DEFB107A: variants seen among roughly 807,000 people sequenced by gnomAD.
The protein encoded by DEFB107A is defensin beta 107A.
At chr8:7,813,225 T>G (rs1817128939) in intron 1 of DEFB107A, among the ~76,000 whole-genome samples, 1 of 131,114 alleles carries the variant, frequency 7.6e-6, no homozygotes, top group Non-Finnish European at 1.7e-5. Context: ...TATTTCTATA[T>G]GTCCACATGA....
chr8:7,812,925 G>A (rs55846974), intron 1 of DEFB107A, among the ~76,000 whole-genome samples: 48 of 109,600 alleles, frequency 4.4e-4, no homozygotes, highest in African/African-American at 8.6e-4. Context: ...ACACACACAC[G>A]CACACACATA....
chr8:7,815,049 C>T (rs1422395808), intron 1 of DEFB107A, among the ~76,000 whole-genome samples: 1 of 3,626 alleles, frequency 2.8e-4, no homozygotes, highest in African/African-American at 2.9e-4. Flanking sequence ...ACATCAAGAC[C>T]ATCCTGGCTA....
chr8:7,815,247 CAAAA>C lies in DEFB107A; in HGVS notation c.70+308_70+311del, dbSNP rs1160791841. Among the ~76,000 whole-genome samples the C allele has an allele frequency of 4.0e-3, 28 of 7,074 alleles. 1 individual carries two copies. Among genetic ancestry groups the C allele is most frequent in the Non-Finnish European group, 8.6e-3 (15 of 1,740 alleles). 4.6% of individuals were successfully genotyped at this position (7,074 alleles called of 152,430 possible). On this transcript the variant is annotated intron_variant, in intron 1 of 1. Transcript: ENST00000335021. ...TGGGCGACAGCGCGAGACTCCGTCT[CAAAA>C]AAAAAAAAAAAAAAAAAAAAGAATA...
intron 1 of DEFB107A, among the ~76,000 whole-genome samples, chr8:7,813,339 G>A (rs1425743110): frequency 1.4e-5 from 2 of 144,976 alleles, no homozygotes; most frequent in Admixed American, 7.2e-5. Flanking sequence ...AATATCCTTG[G>A]AACCAAATAA....
Position 7,812,934 on chromosome 8 carries a change from T to TAC in DEFB107A, c.71-986_71-985dup, listed in dbSNP as rs5889217. On this transcript the variant is annotated intron_variant, in intron 1 of 1. Coordinates refer to ENST00000335021, the MANE Select transcript of DEFB107A (RefSeq NM_001037668.1). ...GTTGAGACACACACACGCACACACA[T>TAC]ACACACACACACACACACATATATA... Among the ~76,000 whole-genome samples, 815 of 144,814 alleles carry TAC rather than the reference T, an allele frequency of 5.6e-3. 4 individuals are homozygous for TAC. The highest frequency in any genetic ancestry group is 0.017 in the African/African-American group (655 of 39,156).
At chr8:7,812,716 T>A (rs559168027) in intron 1 of DEFB107A, among the ~76,000 whole-genome samples, 1 of 137,160 alleles carries the variant, frequency 7.3e-6, no homozygotes, top group African/African-American at 2.5e-5. Flanking sequence ...ACATATTAGC[T>A]GCCATATATC....
chr8:7,812,950 C>CATATAT (rs1377922352), intron 1 of DEFB107A, among the ~76,000 whole-genome samples: 2 of 151,074 alleles, frequency 1.3e-5, no homozygotes, highest in Non-Finnish European at 2.9e-5. Flanking sequence ...CACACACACA[C>CATATAT]ACATATATAT....
chr8:7,813,890 G>A (rs1817154526), intron 1 of DEFB107A, among the ~76,000 whole-genome samples: 1 of 149,588 alleles, frequency 6.7e-6, no homozygotes, highest in South Asian at 2.2e-4. Flanking sequence ...ACTGATTAAA[G>A]TGGATGGAGA....
chr8:7,813,526 A>C (rs1817137315), intron 1 of DEFB107A, among the ~76,000 whole-genome samples: 1 of 150,540 alleles, frequency 6.6e-6, no homozygotes, highest in African/African-American at 2.4e-5. Context: ...TCTTTATTAT[A>C]ACAAGTTAGT....
At chr8:7,812,997 G>C (rs1171374076) in intron 1 of DEFB107A, among the ~76,000 whole-genome samples, 1 of 151,296 alleles carries the variant, frequency 6.6e-6, no homozygotes, top group African/African-American at 2.4e-5. Context: ...ACTGAATCAG[G>C]GCAGAGAACA....
chr8:7,812,889 A>G (rs537780859), intron 1 of DEFB107A, among the ~76,000 whole-genome samples: 1 of 135,230 alleles, frequency 7.4e-6, no homozygotes, highest in African/African-American at 2.5e-5. Context: ...ACTTAAATTT[A>G]TCAGGCAACT....
chr8:7,815,000 G>T (rs1467236785), intron 1 of DEFB107A, among the ~76,000 whole-genome samples: 6 of 31,868 alleles, frequency 1.9e-4, no homozygotes, highest in East Asian at 1.7e-3. Flanking sequence ...GTAATCCCAG[G>T]GCTCTGGGAG....
rs1160791841 is a variant in DEFB107A, at chr8:7,815,247, CAAAAA to C, written c.70+307_70+311del. On this transcript the variant is annotated intron_variant, in intron 1 of 1. Transcript: ENST00000335021. The stretch of plus-strand genomic sequence containing the variant: ...TGGGCGACAGCGCGAGACTCCGTCT[CAAAAA>C]AAAAAAAAAAAAAAAAAAAGAATAT... Among the ~76,000 whole-genome samples the C allele has an allele frequency of 3.5e-3, 25 of 7,080 alleles. 1 individual carries two copies. Among genetic ancestry groups the C allele is most frequent in the East Asian group, 0.02 (2 of 98 alleles). 4.6% of individuals were successfully genotyped at this position (7,080 alleles called of 152,430 possible).
intron 1 of DEFB107A, among the ~76,000 whole-genome samples, chr8:7,813,163 G>A (rs1441727183): frequency 1.8e-5 from 2 of 114,250 alleles, no homozygotes; most frequent in African/African-American, 5.3e-5. Context: ...AGAACCTCTG[G>A]GTTTAGCTGG....
chr8:7,815,247 CAAA>C (rs1160791841), intron 1 of DEFB107A, among the ~76,000 whole-genome samples: 1 of 7,080 alleles, frequency 1.4e-4, no homozygotes, highest in African/African-American at 2.2e-4. Flanking sequence ...GACTCCGTCT[CAAA>C]AAAAAAAAAA....
At chr8:7,812,970 T>C (rs1385921051) in intron 1 of DEFB107A, among the ~76,000 whole-genome samples, 2 of 151,486 alleles carry the variant, frequency 1.3e-5, no homozygotes, top group African/African-American at 4.9e-5. Flanking sequence ...TATATATACA[T>C]GTATAGGGTG....
chr8:7,815,234 C>A (rs1278762144), intron 1 of DEFB107A, among the ~76,000 whole-genome samples: 132 of 67,350 alleles, frequency 2.0e-3, no homozygotes, highest in African/African-American at 5.5e-3. Flanking sequence ...GGCGACAGCG[C>A]GAGACTCCGT....
At chr8:7,813,308 C>T (rs1263436773) in intron 1 of DEFB107A, among the ~76,000 whole-genome samples, 3 of 143,212 alleles carry the variant, frequency 2.1e-5, no homozygotes, top group South Asian at 2.5e-4. Context: ...AGGTTCTATA[C>T]TTTCTAACCC....
intron 1 of DEFB107A, among the ~76,000 whole-genome samples, chr8:7,814,014 T>A (rs1817159284): frequency 9.9e-6 from 1 of 101,110 alleles, no homozygotes; most frequent in Admixed American, 1.3e-4. Flanking sequence ...ATGGAGTCAC[T>A]GAAACTTTCA....
Sources: allele counts gnomAD v4.1 joint callset (sites outside exome capture counted in the v4.1 genomes callset), GRCh38; gene constraint gnomAD v4.1.1; transcripts MANE v1.5; gene names NCBI Gene and HGNC (gene_info 2026-07-23, HGNC 2026-07-21).